The following B3GAT2 variants were observed in gnomAD, a reference collection of about 807,000 sequenced individuals.
B3GAT2 encodes the protein galactosylgalactosylxylosylprotein 3-beta-glucuronosyltransferase 2.
In B3GAT2, 26 loss-of-function variants were observed where a neutral mutation model predicts 27.8. The observed-to-expected ratio is 0.93, with a 90% CI of 0.68 to 1.30. B3GAT2 has a LOEUF of 1.30. B3GAT2 is among the 50% of genes most tolerant of loss of function. B3GAT2 has a pLI of 0.00. For synonymous variants in B3GAT2, 218 were observed against 195.1 expected (o/e 1.12, Z -0.98); for missense variants, 458 against 459.0 (o/e 1.00, Z 0.02).
intron 2 of B3GAT2, among the ~76,000 whole-genome samples, chr6:70,869,492 A>C (rs1771901414): frequency 1.3e-5 from 2 of 152,214 alleles, no homozygotes; most frequent in African/African-American, 4.8e-5. Flanking sequence ...AATTGGGGGA[A>C]TATTGCCATT....
rs116526068 is a variant in B3GAT2, at chr6:70,924,905, G to A, written c.592-30633C>T. Among the ~76,000 whole-genome samples, 782 of 152,266 alleles carry A rather than the reference G, an allele frequency of 5.1e-3. 9 individuals are homozygous for A. The highest frequency in any genetic ancestry group is 0.017 in the African/African-American group (725 of 41,558). ...CATTATTCTGCAAATCACAAGATTCGCAACTTCCTCAATTACTCCTGCAGG... is the reference window on the plus strand; with the variant it reads ...CATTATTCTGCAAATCACAAGATTCACAACTTCCTCAATTACTCCTGCAGG... On this transcript the variant is annotated intron_variant, in intron 1 of 3. Transcript: ENST00000230053.
At chr6:70,900,589 T>C (rs1317932598) in intron 1 of B3GAT2, among the ~76,000 whole-genome samples, 13 of 152,192 alleles carry the variant, frequency 8.5e-5, no homozygotes, top group Admixed American at 8.5e-4. Context: ...CTCACTATGT[T>C]GCCCTGGCTG....
chr6:70,917,160 T>G (rs140853914), intron 1 of B3GAT2, among the ~76,000 whole-genome samples: 205 of 152,368 alleles, frequency 1.3e-3, no homozygotes, highest in African/African-American at 4.7e-3. Flanking sequence ...TTTCCATTTC[T>G]TCTAGATTTT....
At chr6:70,896,262 C>CAAA (rs1477659098) in intron 1 of B3GAT2, among the ~76,000 whole-genome samples, 2 of 152,140 alleles carry the variant, frequency 1.3e-5, no homozygotes, top group Non-Finnish European at 2.9e-5. Context: ...GATGTCATTT[C>CAAA]CCCTTACTGA....
At chr6:70,938,446 G>C (rs1185954095) in intron 1 of B3GAT2, among the ~76,000 whole-genome samples, 1 of 151,996 alleles carries the variant, frequency 6.6e-6, no homozygotes, top group African/African-American at 2.4e-5. Flanking sequence ...ACATCGTCAA[G>C]TCAATCCTAA....
intron 1 of B3GAT2, among the ~76,000 whole-genome samples, chr6:70,935,874 A>G (rs928275938): frequency 3.3e-5 from 5 of 152,062 alleles, no homozygotes; most frequent in Non-Finnish European, 7.3e-5. Flanking sequence ...CTAACATCAT[A>G]ATGACAGGAT....
chr6:70,879,257 T>G (rs567981381), intron 2 of B3GAT2, among the ~76,000 whole-genome samples: 2 of 152,310 alleles, frequency 1.3e-5, no homozygotes, highest in African/African-American at 4.8e-5. Flanking sequence ...CACACAGACA[T>G]AATGATTTCA....
At chr6:70,951,361 T>C (rs1400624008) in intron 1 of B3GAT2, among the ~76,000 whole-genome samples, 2 of 152,136 alleles carry the variant, frequency 1.3e-5, no homozygotes, top group East Asian at 3.8e-4. Context: ...AGCTTGTAAT[T>C]TAGAGGCAAG....
chr6:70,875,292 CTGT>C (rs1361683142), intron 2 of B3GAT2, among the ~76,000 whole-genome samples: 1 of 152,060 alleles, frequency 6.6e-6, no homozygotes, highest in African/African-American at 2.4e-5. Flanking sequence ...TCCCCTGGCC[CTGT>C]ACTTTCCAGC....
At chr6:70,902,905 G>A (rs958534133) in intron 1 of B3GAT2, among the ~76,000 whole-genome samples, 1 of 151,936 alleles carries the variant, frequency 6.6e-6, no homozygotes, top group African/African-American at 2.4e-5. Flanking sequence ...AGGGGTGGCA[G>A]GGGGGCTGGT....
chr6:70,937,770 T>A (rs1371973367), intron 1 of B3GAT2, among the ~76,000 whole-genome samples: 2 of 152,056 alleles, frequency 1.3e-5, no homozygotes, highest in African/African-American at 2.4e-5. Context: ...ATAAGAGCTA[T>A]CTATGACAAG....
Position 70,905,228 on chromosome 6 carries a change from A to C in B3GAT2, c.592-10956T>G, listed in dbSNP as rs113623802. Among the ~76,000 whole-genome samples the C allele has an allele frequency of 3.5e-3, 539 of 152,276 alleles. 7 individuals carry two copies. The highest frequency in any genetic ancestry group is 0.011 in the African/African-American group (460 of 41,546). ...TGTGTATAGTGGTGTAATTATGATGATGCTGCTGAGGAAACGCAAGAGTTA... is the reference window on the plus strand; with the variant it reads ...TGTGTATAGTGGTGTAATTATGATGCTGCTGCTGAGGAAACGCAAGAGTTA... On this transcript the variant is annotated intron_variant, in intron 1 of 3. Coordinates refer to ENST00000230053, the MANE Select transcript of B3GAT2 (RefSeq NM_080742.3).
At chr6:70,862,311 A>C (rs1771769441) in intron 2 of B3GAT2, among the ~76,000 whole-genome samples, 1 of 152,218 alleles carries the variant, frequency 6.6e-6, no homozygotes, top group Non-Finnish European at 1.5e-5. Flanking sequence ...GGAATAACTA[A>C]GAAATAAATG....
chr6:70,884,329 G>A (rs1414314733), intron 2 of B3GAT2, among the ~76,000 whole-genome samples: 1 of 152,074 alleles, frequency 6.6e-6, no homozygotes, highest in Non-Finnish European at 1.5e-5. Context: ...ATTAAATAAT[G>A]GCAATGTTGT....
chr6:70,939,898 A>T (rs1262549749), intron 1 of B3GAT2, among the ~76,000 whole-genome samples: 1 of 151,970 alleles, frequency 6.6e-6, no homozygotes, highest in East Asian at 1.9e-4. Flanking sequence ...GTATAATAAT[A>T]ATAAAATAAT....
chr6:70,928,214 T>G (rs1772996218), intron 1 of B3GAT2, among the ~76,000 whole-genome samples: 1 of 152,056 alleles, frequency 6.6e-6, no homozygotes, highest in Non-Finnish European at 1.5e-5. Flanking sequence ...TAGCACTAAA[T>G]GCCCACAAGA....
intron 1 of B3GAT2, among the ~76,000 whole-genome samples, chr6:70,946,677 C>T (rs1021698580): frequency 2.0e-5 from 3 of 152,104 alleles, no homozygotes; most frequent in African/African-American, 7.2e-5. Context: ...ATCAACGAGA[C>T]AGAAAGTTAA....
At chr6:70,863,814 T>C (rs1484309787) in intron 2 of B3GAT2, among the ~76,000 whole-genome samples, 1 of 152,164 alleles carries the variant, frequency 6.6e-6, no homozygotes, top group Non-Finnish European at 1.5e-5. Context: ...GCTGAAAGAA[T>C]ACTGGTTGAC....
chr6:70,891,533 C>T (rs1210449542), intron 2 of B3GAT2, among the ~76,000 whole-genome samples: 1 of 152,130 alleles, frequency 6.6e-6, no homozygotes, highest in Non-Finnish European at 1.5e-5. Context: ...GTTTGATACT[C>T]AAATGAGTTT....
Sources: allele counts gnomAD v4.1 joint callset (sites outside exome capture counted in the v4.1 genomes callset), GRCh38; gene constraint gnomAD v4.1.1; transcripts MANE v1.5; gene names NCBI Gene and HGNC (gene_info 2026-07-23, HGNC 2026-07-21).